The following CEP112 variants were observed in gnomAD, a reference collection of about 807,000 sequenced individuals.
The protein encoded by CEP112 is centrosomal protein of 112 kDa.
Under a neutral mutation model 153.0 loss-of-function variants are expected in CEP112, and 127 were observed. The ratio of observed to expected loss-of-function variants is 0.83; its 90% CI spans 0.72 to 0.96. CEP112 has a LOEUF of 0.96. Among genes scored for constraint, CEP112 ranks in the 40% least tolerant of loss-of-function variants. CEP112 has a pLI of 0.00. For synonymous variants in CEP112, 358 were observed against 374.4 expected, an observed-to-expected ratio of 0.96 and a Z score of 0.51; for missense variants, 1,089 against 1,101.2, an observed-to-expected ratio of 0.99 and a Z score of 0.16.
At chr17:66,108,620 C>A (rs1330811921) in intron 6 of CEP112, among the ~76,000 whole-genome samples, 1 of 152,094 alleles carries the variant, frequency 6.6e-6, no homozygotes, top group Non-Finnish European at 1.5e-5. Flanking sequence ...ATAATAAATG[C>A]TAACAAGGAT....
chr17:65,782,385 T>G (rs2054045379), intron 21 of CEP112, among the ~76,000 whole-genome samples: 2 of 152,116 alleles, frequency 1.3e-5, no homozygotes, highest in African/African-American at 4.8e-5. Flanking sequence ...TTATACACTG[T>G]TGGTGGGAAT....
intron 4 of CEP112, among the ~76,000 whole-genome samples, chr17:66,158,174 T>C (rs954795040): frequency 6.6e-6 from 1 of 152,016 alleles, no homozygotes; most frequent in Non-Finnish European, 1.5e-5. Context: ...AGAACAGAAA[T>C]CATAATAAAC....
chr17:65,827,888 T>C (rs751091183), intron 21 of CEP112, among the ~76,000 whole-genome samples: 1 of 152,230 alleles, frequency 6.6e-6, no homozygotes, highest in Non-Finnish European at 1.5e-5. Flanking sequence ...TTTGTTTGAA[T>C]GTTACCTTCT....
At chr17:65,654,031 C>A (rs2143675935) in intron 24 of CEP112, among the ~76,000 whole-genome samples, 3 of 129,274 alleles carry the variant, frequency 2.3e-5, no homozygotes. Flanking sequence ...TGTACTCTAG[C>A]CTGGCAACCA....
chr17:66,074,882 A>G (rs998112117), intron 8 of CEP112, among the ~76,000 whole-genome samples: 10 of 151,492 alleles, frequency 6.6e-5, no homozygotes, highest in East Asian at 5.8e-4. Flanking sequence ...AGAAAAAAAA[A>G]AAAAAAGAAA....
intron 17 of CEP112, among the ~76,000 whole-genome samples, chr17:66,001,214 C>A (rs956346820): frequency 6.6e-6 from 1 of 152,104 alleles, no homozygotes; most frequent in African/African-American, 2.4e-5. Context: ...GTGTGGTCTG[C>A]GTGAGCTTTT....
chr17:66,096,425 T>C lies in CEP112; in HGVS notation c.691-97A>G, dbSNP rs1447823720. 3.3e-6 allele frequency: 4 copies of C among 1,230,052 alleles called. No individual in the cohort carries two copies. In the African/African-American group the frequency reaches 4.5e-5, roughly 14 times the overall value. 76.2% of individuals were successfully genotyped at this position (1,230,052 alleles called of 1,614,324 possible). Reference sequence around the variant, plus strand: ...AAATTGCCTGAGGCCCGTACCAAAATAGTACTAACACTGCAGGAAAAAATC... The same window carrying C: ...AAATTGCCTGAGGCCCGTACCAAAACAGTACTAACACTGCAGGAAAAAATC... On this transcript the variant is annotated intron_variant, in intron 7 of 26. Coordinates refer to ENST00000535342, the MANE Select transcript of CEP112 (RefSeq NM_001199165.4).
chr17:65,828,860 T>G (rs1164151348), intron 21 of CEP112, among the ~76,000 whole-genome samples: 1 of 151,946 alleles, frequency 6.6e-6, no homozygotes, highest in African/African-American at 2.4e-5. Context: ...AAAAGTGAGA[T>G]TAATATGTTT....
intron 21 of CEP112, among the ~76,000 whole-genome samples, chr17:65,769,741 T>G (rs1385260787): frequency 6.6e-6 from 1 of 152,052 alleles, no homozygotes; most frequent in African/African-American, 2.4e-5. Flanking sequence ...GACCCTTATC[T>G]TACGCCATAC....
chr17:65,707,902 C>A (rs2048995795), intron 23 of CEP112, among the ~76,000 whole-genome samples: 1 of 152,144 alleles, frequency 6.6e-6, no homozygotes, highest in African/African-American at 2.4e-5. Flanking sequence ...CAGAGGAATG[C>A]AAATAGTCAA....
intron 12 of CEP112, among the ~76,000 whole-genome samples, chr17:66,038,200 C>T (rs903804717): frequency 2.0e-5 from 3 of 151,986 alleles, no homozygotes; most frequent in Non-Finnish European, 4.4e-5. Context: ...CTGTTAGAAG[C>T]TGGCATGCTT....
intron 16 of CEP112, among the ~76,000 whole-genome samples, chr17:66,023,096 G>T (rs1598139830): frequency 6.6e-6 from 1 of 152,186 alleles, no homozygotes; most frequent in South Asian, 2.1e-4. Flanking sequence ...ACAAAAGATT[G>T]CCATTCCTGA....
At chr17:66,168,441 ATG>A (rs924699702) in intron 4 of CEP112, among the ~76,000 whole-genome samples, 162 of 140,866 alleles carry the variant, frequency 1.2e-3, no homozygotes, top group African/African-American at 3.8e-3. Context: ...ATGTATATAT[ATG>A]TGTGTGTATA....
chr17:65,656,846 A>C (rs1029835818), intron 24 of CEP112, among the ~76,000 whole-genome samples: 2 of 152,240 alleles, frequency 1.3e-5, no homozygotes, highest in African/African-American at 4.8e-5. Flanking sequence ...CGAATCACAC[A>C]GAGCTTACAA....
In CEP112 at chr17:66,022,711, G is replaced by GGAAAA. The variant is rs60618756; in HGVS notation, c.1656+4789_1656+4790insTTTTC. On this transcript the variant is annotated intron_variant, in intron 16 of 26. Coordinates refer to ENST00000535342, the MANE Select transcript of CEP112 (RefSeq NM_001199165.4). ...ATGACAGAACGAGACTCCGCCTCAA[G>GGAAAA]AAAAAAAAAAAAAAAAAGAAATGCC... Among the ~76,000 whole-genome samples the GGAAAA allele has an allele frequency of 2.9e-4, 37 of 127,056 alleles. 3 individuals are homozygous for GGAAAA. Among genetic ancestry groups the GGAAAA allele is most frequent in the South Asian group, 5.0e-4 (2 of 3,968 alleles). 83.4% of individuals were successfully genotyped at this position (127,056 alleles called of 152,430 possible).
In CEP112 at chr17:65,754,211, A is replaced by C. The variant is rs181160799; in HGVS notation, c.2395-3487T>G. ...TCCCTGAGAGGGTGACGTATGAACA[A>C]AGACCTGTAGGAGATGAGGGTAACC... is the stretch of plus-strand genomic sequence containing the variant. On this transcript the variant is annotated intron_variant, in intron 21 of 26. Transcript: ENST00000535342. 5.5e-4 allele frequency among the ~76,000 whole-genome samples: 84 copies of C among 152,340 alleles called. 2 individuals are homozygous for C. The highest frequency in any genetic ancestry group is 2.9e-4 in the Non-Finnish European group (20 of 68,026).
intron 10 of CEP112, among the ~76,000 whole-genome samples, chr17:66,065,298 T>C (rs918606247): frequency 4.6e-5 from 7 of 152,068 alleles, no homozygotes; most frequent in African/African-American, 1.4e-4. Flanking sequence ...TTATAATGAG[T>C]AAACCAAGAC....
chr17:65,660,460 CTCCTTCCTTCCTTCCTTCCTTCCT>C (rs143750694), intron 24 of CEP112, among the ~76,000 whole-genome samples: 6,621 of 78,264 alleles, frequency 0.085, 653 homozygotes, highest in East Asian at 0.46. Flanking sequence ...TCTTCTCTCT[CTCCTTCCTTCCTTCCTTCCTTCCT>C]TCCTTCCTTC....
intron 18 of CEP112, among the ~76,000 whole-genome samples, chr17:65,940,462 A>C (rs1226247831): frequency 6.6e-6 from 1 of 152,232 alleles, no homozygotes; most frequent in Non-Finnish European, 1.5e-5. Context: ...CATTATTCAC[A>C]ATAGACAAGA....
Sources: gnomAD v4.1 joint callset for allele counts (sites outside exome capture counted in the v4.1 genomes callset) on GRCh38, gnomAD v4.1.1 for gene constraint, MANE v1.5 for transcripts, NCBI Gene and HGNC (gene_info 2026-07-23, HGNC 2026-07-21) for gene names.